Variants in DNAH9 observed in about 807,000 individuals in gnomAD.
DNAH9 encodes the protein dynein axonemal heavy chain 9, also known as DNAH9 variant protein.
Under a neutral mutation model 471.6 loss-of-function variants are expected in DNAH9, and 345 were observed. The observed-to-expected ratio is 0.73, with a 90% confidence interval of 0.67 to 0.80. DNAH9 has a LOEUF of 0.80. Among genes scored for constraint, DNAH9 ranks in the 30% least tolerant of loss-of-function variants. DNAH9 has a pLI of 0.00. For missense variants in DNAH9, 5,407 were observed against 5,609.2 expected (o/e 0.96, Z 1.15); for synonymous variants, 2,093 against 2,123.6 (o/e 0.99, Z 0.40).
At chr17:11,707,804 C>G (rs2074729951) in intron 26 of DNAH9, among the ~76,000 whole-genome samples, 1 of 152,044 alleles carries the variant, frequency 6.6e-6, no homozygotes, top group Admixed American at 6.6e-5. Context: ...ACCTGGAGTT[C>G]ATTCCACCTC....
chr17:11,684,926 A>G (rs2150746592), intron 19 of DNAH9, among the ~76,000 whole-genome samples: 1 of 152,292 alleles, frequency 6.6e-6, no homozygotes, highest in Non-Finnish European at 1.5e-5. Flanking sequence ...CGGTTTCCTA[A>G]GATATGTCAT....
intron 10 of DNAH9, 69 bp from the exon 11 acceptor site, chr17:11,644,562 G>C (rs921354648): frequency 1.7e-6 from 2 of 1,200,952 alleles, no homozygotes; most frequent in Non-Finnish European, 2.4e-6. Context: ...GGAGACTGCA[G>C]TTTGTTCCTC....
chr17:11,893,026 A>G (rs1973100606), intron 58 of DNAH9, among the ~76,000 whole-genome samples: 1 of 151,864 alleles, frequency 6.6e-6, no homozygotes, highest in South Asian at 2.1e-4. Context: ...GCCCTTTCCA[A>G]TTCCAAAAGT....
chr17:11,967,750 T>G (rs1030174620), intron 68 of DNAH9, among the ~76,000 whole-genome samples: 1 of 152,092 alleles, frequency 6.6e-6, no homozygotes, highest in Non-Finnish European at 1.5e-5. Flanking sequence ...AGAAAACAGA[T>G]GGAAACAGAT....
At chr17:11,759,239 G>A (rs1459811215) in intron 35 of DNAH9, among the ~76,000 whole-genome samples, 1 of 151,934 alleles carries the variant, frequency 6.6e-6, no homozygotes, top group Non-Finnish European at 1.5e-5. Flanking sequence ...AGCATACATT[G>A]TATCCAATGG....
intron 17 of DNAH9, among the ~76,000 whole-genome samples, chr17:11,672,354 A>G (rs1487528995): frequency 1.1e-4 from 17 of 152,118 alleles, no homozygotes. Context: ...TTTTGCTCCA[A>G]CTGAAACCTG....
chr17:11,916,002 C>T (rs193219162), intron 61 of DNAH9, among the ~76,000 whole-genome samples: 22 of 152,270 alleles, frequency 1.4e-4, no homozygotes, highest in African/African-American at 4.6e-4. Context: ...AACTAACAAA[C>T]GAACAAATTA....
At chr17:11,915,230 T>G (rs1057238542) in intron 61 of DNAH9, among the ~76,000 whole-genome samples, 3 of 152,156 alleles carry the variant, frequency 2.0e-5, no homozygotes, top group African/African-American at 7.2e-5. Context: ...CTTAAAACTT[T>G]CTAGTGACTT....
chr17:11,685,900 G>A (rs2074235570), intron 19 of DNAH9, among the ~76,000 whole-genome samples: 2 of 151,708 alleles, frequency 1.3e-5, no homozygotes, highest in African/African-American at 4.8e-5. Context: ...CGTCTCCCGG[G>A]TTCAAGTGAT....
intron 17 of DNAH9, among the ~76,000 whole-genome samples, chr17:11,677,492 C>T (rs1224681375): frequency 6.6e-6 from 1 of 152,142 alleles, no homozygotes; most frequent in Non-Finnish European, 1.5e-5. Flanking sequence ...TTGCTTAGTG[C>T]ATCTCTTCTT....
intron 4 of DNAH9, 22 bp from the exon 5 acceptor site, chr17:11,617,389 G>C (rs1044287739): frequency 1.3e-6 from 2 of 1,581,606 alleles, no homozygotes; most frequent in Non-Finnish European, 1.7e-6. Context: ...TGGGAATGCT[G>C]ACCATCTCCA....
intron 68 of DNAH9, among the ~76,000 whole-genome samples, chr17:11,966,716 G>A (rs906928318): frequency 6.6e-6 from 1 of 152,178 alleles, no homozygotes; most frequent in African/African-American, 2.4e-5. Context: ...GCACAAAGGA[G>A]GGAGAGGGAA....
chr17:11,725,413 G>A (rs1221495372), intron 27 of DNAH9, among the ~76,000 whole-genome samples: 1 of 152,172 alleles, frequency 6.6e-6, no homozygotes, highest in Non-Finnish European at 1.5e-5. Flanking sequence ...GAGAATAGAG[G>A]CATCGTCTAT....
At chr17:11,947,864 C>A (rs1333894381) in intron 67 of DNAH9, among the ~76,000 whole-genome samples, 1 of 145,502 alleles carries the variant, frequency 6.9e-6, no homozygotes, top group African/African-American at 2.5e-5. Context: ...TCACTGCAAC[C>A]TCTGTCTCCC....
chr17:11,890,179 T>C (rs1973004488), intron 57 of DNAH9, among the ~76,000 whole-genome samples: 1 of 152,172 alleles, frequency 6.6e-6, no homozygotes, highest in Non-Finnish European at 1.5e-5. Context: ...GGAAAAGCCA[T>C]AGTAACTGCC....
At chr17:11,861,272 C>G (rs1035335388) in intron 50 of DNAH9, among the ~76,000 whole-genome samples, 2 of 151,802 alleles carry the variant, frequency 1.3e-5, no homozygotes, top group Non-Finnish European at 2.9e-5. Flanking sequence ...TGAGAATATG[C>G]GGTGTTTGGT....
intron 19 of DNAH9, among the ~76,000 whole-genome samples, chr17:11,688,318 G>A (rs892490801): frequency 2.6e-5 from 4 of 152,110 alleles, no homozygotes; most frequent in African/African-American, 7.2e-5. Context: ...CATAGGTGTC[G>A]AGTGCAAGCC....
chr17:11,861,435 T>G (rs1971844264), intron 50 of DNAH9, among the ~76,000 whole-genome samples: 1 of 151,978 alleles, frequency 6.6e-6, no homozygotes, highest in African/African-American at 2.4e-5. Flanking sequence ...TGTTGGACAT[T>G]TGGGTTGGTT....
At chr17:11,770,874 T>G (rs1456331293) in intron 38 of DNAH9, among the ~76,000 whole-genome samples, 1 of 152,180 alleles carries the variant, frequency 6.6e-6, no homozygotes, top group East Asian at 1.9e-4. Flanking sequence ...TTGTGGTGTT[T>G]GCCAATTTCC....
Sources: gnomAD v4.1 joint callset for allele counts (sites outside exome capture counted in the v4.1 genomes callset) on GRCh38, gnomAD v4.1.1 for gene constraint, MANE v1.5 for transcripts, NCBI Gene and HGNC (gene_info 2026-07-23, HGNC 2026-07-21) for gene names.